The following TSHZ2 variants were observed in gnomAD, a reference collection of about 807,000 sequenced individuals.
TSHZ2 encodes teashirt zinc finger homeobox 2.
TSHZ2 carries 21 observed loss-of-function variants against 74.4 expected under a neutral mutation model. The ratio of observed to expected loss-of-function variants is 0.28; its 90% CI spans 0.20 to 0.41. The LOEUF is 0.41. Ranked by LOEUF, TSHZ2 falls within the 10% of genes least tolerant of loss-of-function variation. The pLI is 1.00. For synonymous variants in TSHZ2, 540 were observed against 515.3 expected (o/e 1.05, Z -0.65); for missense variants, 1,244 against 1,293.5 (o/e 0.96, Z 0.59).
rs183097187 is a variant in TSHZ2, at chr20:53,110,273, A to T, written c.40+136940A>T. Among the ~76,000 whole-genome samples the T allele has an allele frequency of 1.5e-3, 224 of 152,078 alleles. 1 individual carries two copies. Among genetic ancestry groups the T allele is most frequent in the South Asian group, 0.014 (66 of 4,804 alleles). On this transcript the variant is annotated intron_variant, in intron 1 of 2. Transcript: ENST00000371497. Reference sequence around the variant, plus strand: ...TAAGTTATGGCTCCGCAAAACAAGGACAGCCAAATTTTTATTTTTCAGCCC... The same window carrying T: ...TAAGTTATGGCTCCGCAAAACAAGGTCAGCCAAATTTTTATTTTTCAGCCC...
chr20:53,453,928 T>A (rs968648640), intron 2 of TSHZ2, among the ~76,000 whole-genome samples: 1 of 152,192 alleles, frequency 6.6e-6, no homozygotes, highest in African/African-American at 2.4e-5. Flanking sequence ...ATGGTGGCTC[T>A]GAACTCCTAC....
intron 2 of TSHZ2, among the ~76,000 whole-genome samples, chr20:53,369,417 C>A (rs561488982): frequency 6.6e-6 from 1 of 151,998 alleles, no homozygotes; most frequent in South Asian, 2.1e-4. Context: ...ATTGAAAGTC[C>A]CTGAGGAGGC....
intron 1 of TSHZ2, among the ~76,000 whole-genome samples, chr20:53,154,840 A>T (rs1987755474): frequency 6.6e-6 from 1 of 152,194 alleles, no homozygotes; most frequent in East Asian, 1.9e-4. Context: ...TATCTCCCGA[A>T]TAATCAGCAA....
chr20:53,400,885 C>A (rs937640652), intron 2 of TSHZ2, among the ~76,000 whole-genome samples: 2 of 152,210 alleles, frequency 1.3e-5, no homozygotes, highest in African/African-American at 4.8e-5. Context: ...CTCACACAGA[C>A]TCAAGAATTC....
intron 1 of TSHZ2, among the ~76,000 whole-genome samples, chr20:53,134,080 A>G (rs1194666152): frequency 6.6e-6 from 1 of 151,950 alleles, no homozygotes; most frequent in East Asian, 1.9e-4. Flanking sequence ...TACTCATTCT[A>G]TTCTCTAAAC....
chr20:52,979,240 G>A (rs1303417378), intron 1 of TSHZ2, among the ~76,000 whole-genome samples: 8 of 151,708 alleles, frequency 5.3e-5, no homozygotes, highest in African/African-American at 1.9e-4. Flanking sequence ...CTTTTTCTGA[G>A]AAGAACGTTT....
rs1040277054 is a variant in TSHZ2, at chr20:53,327,142, G to A, written c.*8+70571G>A. ...CACCAAGTACACAGCCCCTGATAGC[G>A]AGACCAAGCTTGACCATCCACATTT... On this transcript the variant is annotated intron_variant, in intron 2 of 2. Transcript: ENST00000371497. Among the ~76,000 whole-genome samples the A allele has an allele frequency of 6.6e-5, 10 of 152,288 alleles. No individual in the cohort carries two copies. In the East Asian group the frequency reaches 1.2e-3, roughly 18 times the overall value.
intron 1 of TSHZ2, among the ~76,000 whole-genome samples, chr20:53,203,846 C>T (rs1214192483): frequency 6.6e-6 from 1 of 151,882 alleles, no homozygotes; most frequent in Non-Finnish European, 1.5e-5. Context: ...GAACTTGATC[C>T]CAAGCTCTCT....
chr20:53,360,344 G>T (rs1981004419), intron 2 of TSHZ2, among the ~76,000 whole-genome samples: 1 of 152,128 alleles, frequency 6.6e-6, no homozygotes, highest in African/African-American at 2.4e-5. Flanking sequence ...TACTAGAATT[G>T]GTGGAACGTG....
chr20:53,066,372 A>C (rs1332632402), intron 1 of TSHZ2, among the ~76,000 whole-genome samples: 1 of 146,308 alleles, frequency 6.8e-6, no homozygotes, highest in African/African-American at 2.5e-5. Flanking sequence ...ACTGCCCCCC[A>C]CCCCCCACAA....
At chr20:53,106,143 A>G (rs1359918449) in intron 1 of TSHZ2, among the ~76,000 whole-genome samples, 1 of 152,228 alleles carries the variant, frequency 6.6e-6, no homozygotes, top group South Asian at 2.1e-4. Context: ...ACATATTATT[A>G]TTAATTGCAG....
At chr20:53,046,437 G>A (rs1395090933) in intron 1 of TSHZ2, among the ~76,000 whole-genome samples, 1 of 152,084 alleles carries the variant, frequency 6.6e-6, no homozygotes, top group Non-Finnish European at 1.5e-5. Context: ...ATCTTGCCCT[G>A]CAGGCTGCCT....
At chr20:53,120,295 T>C (rs181725232) in intron 1 of TSHZ2, among the ~76,000 whole-genome samples, 1 of 152,328 alleles carries the variant, frequency 6.6e-6, no homozygotes, top group Admixed American at 6.5e-5. Flanking sequence ...TCCGCAGAGA[T>C]CTCACAGCAC....
In TSHZ2 at chr20:53,111,988, G is replaced by A. The variant is rs867365387; in HGVS notation, c.40+138655G>A. On this transcript the variant is annotated intron_variant, in intron 1 of 2. Transcript: ENST00000371497. ...CCCCATCCTGAGATGCTGAGGGCAC[G>A]TGTCTAACCCTGACTGTCTCCACAC... 3.9e-5 allele frequency among the ~76,000 whole-genome samples: 6 copies of A among 152,180 alleles called. No individual in the cohort carries two copies. The South Asian group carries it at 8.3e-4, about 21-fold the overall frequency.
chr20:53,066,697 G>T (rs1009173425), intron 1 of TSHZ2, among the ~76,000 whole-genome samples: 1 of 152,126 alleles, frequency 6.6e-6, no homozygotes, highest in Non-Finnish European at 1.5e-5. Context: ...TAGTAGAGAC[G>T]GGGTTTCACC....
At chr20:53,070,656 ATGTG>A (rs1985142740) in intron 1 of TSHZ2, among the ~76,000 whole-genome samples, 1 of 152,072 alleles carries the variant, frequency 6.6e-6, no homozygotes, top group Admixed American at 6.5e-5. Flanking sequence ...GTGTGTATGA[ATGTG>A]TGTGTATGTG....
chr20:53,068,560 TCCATGG>T (rs1435110804), intron 1 of TSHZ2, among the ~76,000 whole-genome samples: 2 of 152,170 alleles, frequency 1.3e-5, no homozygotes, highest in Non-Finnish European at 2.9e-5. Flanking sequence ...CTATAGCTCT[TCCATGG>T]CACTGACCAC....
In TSHZ2 at chr20:53,254,906, A is replaced by C; in HGVS notation, c.1448A>C (p.Asp483Ala). The change falls in exon 2 of 3, where the codon GAC (aspartate) becomes GCC (alanine). Residue 483 changes from aspartate to alanine, a missense_variant. Asp to Ala is a moderately radical substitution (Grantham distance 126, BLOSUM62 -2). Transcript: ENST00000371497. ...SKDEKVVKSEDYEDPLQKPLD... is the reference protein window; with the variant it reads ...SKDEKVVKSEAYEDPLQKPLD... ...GATGAGAAAGTCGTGAAAAGCGAGG[A>C]CTATGAAGATCCTCTACAAAAACCT... 2 of 1,614,052 alleles carry C rather than the reference A, an allele frequency of 1.2e-6. No homozygotes were observed. Among genetic ancestry groups the C allele is most frequent in the Admixed American group, 3.3e-5 (2 of 59,968 alleles).
intron 1 of TSHZ2, among the ~76,000 whole-genome samples, chr20:53,052,892 A>C (rs1262289737): frequency 2.0e-5 from 3 of 152,250 alleles, no homozygotes; most frequent in Non-Finnish European, 4.4e-5. Flanking sequence ...TACAATTCAT[A>C]TACCATAAAA....
Sources: allele counts gnomAD v4.1 joint callset (sites outside exome capture counted in the v4.1 genomes callset), GRCh38; gene constraint gnomAD v4.1.1; transcripts MANE v1.5; gene names NCBI Gene and HGNC (gene_info 2026-07-23, HGNC 2026-07-21).